The following LMCD1 variants were observed in gnomAD, a reference collection of about 807,000 sequenced individuals.
LMCD1 encodes the protein LIM and cysteine-rich domains protein 1.
Under a neutral mutation model 42.7 loss-of-function variants are expected in LMCD1, and 32 were observed. The observed-to-expected ratio is 0.75, with a 90% CI of 0.57 to 1.01. The LOEUF (loss-of-function observed/expected upper bound fraction) is 1.01. Ranked by LOEUF, LMCD1 falls within the 50% of genes least tolerant of loss-of-function variation. The probability of loss-of-function intolerance (pLI) is 0.00; values close to 1 mark genes in which losing one functional copy is unlikely to be tolerated. For synonymous variants in LMCD1, 178 were observed against 184.9 expected, an observed-to-expected ratio of 0.96 and a Z score of 0.30; for missense variants, 458 against 483.1, an observed-to-expected ratio of 0.95 and a Z score of 0.49.
intron 1 of LMCD1, among the ~76,000 whole-genome samples, chr3:8,513,930 G>T (rs577944745): frequency 6.6e-6 from 1 of 152,110 alleles, no homozygotes; most frequent in Admixed American, 6.5e-5. Context: ...CTGATCCCCA[G>T]ACAAACCCTG....
intron 1 of LMCD1, among the ~76,000 whole-genome samples, chr3:8,529,591 G>A (rs1335171030): frequency 1.3e-5 from 2 of 152,176 alleles, no homozygotes; most frequent in African/African-American, 4.8e-5. Flanking sequence ...GCTAGGGATG[G>A]CCTCACTTAA....
intron 1 of LMCD1, among the ~76,000 whole-genome samples, chr3:8,529,870 G>T (rs1360973008): frequency 6.6e-6 from 1 of 152,180 alleles, no homozygotes; most frequent in African/African-American, 2.4e-5. Context: ...AACGCTCAGT[G>T]CATAATAAGT....
At chr3:8,512,557 G>A (rs1205670176) in intron 1 of LMCD1, among the ~76,000 whole-genome samples, 2 of 152,274 alleles carry the variant, frequency 1.3e-5, no homozygotes, top group South Asian at 2.1e-4. Context: ...GAAAAGCTTT[G>A]TTTCCTCTAA....
At position 8,567,573 on chromosome 3, in the gene LMCD1, C is replaced by T; in HGVS notation, c.1073C>T (p.Thr358Ile). Residue 358 changes from threonine to isoleucine, a missense_variant, in exon 6 of 6, where the codon ACT (threonine) becomes ATT (isoleucine). By Grantham distance (89) the Thr-to-Ile change is moderately conservative. Transcript: ENST00000157600. ...ACCAAGGGTCAGCTTCTGTGCCCAA[C>T]TTGCAGCAAGTCCAAACGCTCCTGA... The part of the protein sequence containing the change: ...IVTKGQLLCP[T>I]CSKSKRS 1 of 1,613,806 alleles carries T rather than the reference C, an allele frequency of 6.2e-7. No individual in the cohort carries two copies. Among genetic ancestry groups the T allele is most frequent in the Non-Finnish European group, 8.5e-7 (1 of 1,179,948 alleles).
chr3:8,531,113 G>A (rs537131551), intron 1 of LMCD1, among the ~76,000 whole-genome samples: 2 of 152,296 alleles, frequency 1.3e-5, no homozygotes, highest in Non-Finnish European at 2.9e-5. Context: ...CTTTCCATAC[G>A]TCTGAATTCT....
Position 8,532,814 on chromosome 3 carries a change from A to G in LMCD1, c.120A>G (p.Pro40=), listed in dbSNP as rs763302882. ...AGGGGACGTGTTCGGGCTTCGAGCC[A>G]CATTCATGGAGGTAACAGATTTTGT... The part of the protein sequence containing the change: ...GCKGTCSGFE[P]HSWRKICKSC... The change falls in exon 2 of 6, where the codon CCA becomes CCG. Residue 40 remains proline, a synonymous_variant. Coordinates refer to ENST00000157600, the MANE Select transcript of LMCD1 (RefSeq NM_014583.4). 17 of 1,613,464 alleles carry G rather than the reference A, an allele frequency of 1.1e-5. No homozygotes were observed. Among genetic ancestry groups the G allele is most frequent in the Non-Finnish European group, 1.4e-5 (16 of 1,179,696 alleles).
At chr3:8,507,046 C>G (rs1001412478) in intron 1 of LMCD1, among the ~76,000 whole-genome samples, 4 of 152,242 alleles carry the variant, frequency 2.6e-5, no homozygotes, top group African/African-American at 7.2e-5. Flanking sequence ...CTCATATCCC[C>G]TACCATTTGA....
chr3:8,560,117 G>A (rs1001052178), intron 4 of LMCD1, among the ~76,000 whole-genome samples: 3 of 152,160 alleles, frequency 2.0e-5, no homozygotes, highest in Admixed American at 6.5e-5. Flanking sequence ...AACCAGTAAC[G>A]GGTTAGGTGC....
rs1423637931 is a variant in LMCD1 at position 8,569,139 on chromosome 3, A to G, written c.*1541A>G. ...CTGCCAAGTTAACAACCAAGTCCTC[A>G]TGGACATTTGAATCCTTCCAAAACT... On this transcript the variant is annotated 3_prime_UTR_variant, in exon 6 of 6. Coordinates refer to ENST00000157600, the MANE Select transcript of LMCD1 (RefSeq NM_014583.4). 1.3e-5 allele frequency: 2 copies of G among 152,212 alleles called. No homozygotes were observed. Among genetic ancestry groups the G allele is most frequent in the African/African-American group, 2.4e-5 (1 of 41,444 alleles). 9.4% of individuals were successfully genotyped at this position (152,212 alleles called of 1,614,324 possible).
intron 2 of LMCD1, among the ~76,000 whole-genome samples, chr3:8,533,090 A>G (rs1179405373): frequency 1.3e-5 from 2 of 152,166 alleles, no homozygotes; most frequent in Admixed American, 1.3e-4. Flanking sequence ...AACCCAGCCC[A>G]GCAAGAATTG....
At chr3:8,507,882 T>C (rs1448849650) in intron 1 of LMCD1, among the ~76,000 whole-genome samples, 1 of 152,246 alleles carries the variant, frequency 6.6e-6, no homozygotes, top group African/African-American at 2.4e-5. Context: ...TGATTATTAC[T>C]GTGACTTTCA....
chr3:8,565,747 C>G (rs1409359338), intron 5 of LMCD1, 100 bp downstream of exon 5: 15 of 1,162,076 alleles, frequency 1.3e-5, no homozygotes, highest in Non-Finnish European at 1.7e-5. Flanking sequence ...ATGATGTGTT[C>G]TACAGATTGG....
At position 8,569,324 on chromosome 3, in the gene LMCD1, C is replaced by T. The variant is rs1373936599; in HGVS notation, c.*1726C>T. On this transcript the variant is annotated 3_prime_UTR_variant, in exon 6 of 6. Coordinates refer to ENST00000157600, the MANE Select transcript of LMCD1 (RefSeq NM_014583.4). Reference sequence around the variant, plus strand: ...AAGACCAACTCTGGCTGTTGAAATTCTATTCATCCTATAAGGTGCTTCTCA... The same window carrying T: ...AAGACCAACTCTGGCTGTTGAAATTTTATTCATCCTATAAGGTGCTTCTCA... The T allele has an allele frequency of 6.6e-6, 1 of 152,196 alleles. No individual in the cohort carries two copies. The allele number at this position is 152,196 out of a possible 1,614,324, so 9.4% of individuals were successfully genotyped here.
intron 1 of LMCD1, among the ~76,000 whole-genome samples, chr3:8,520,027 T>G (rs1370747877): frequency 6.6e-6 from 1 of 152,136 alleles, no homozygotes; most frequent in Non-Finnish European, 1.5e-5. Flanking sequence ...AAGCAAAGCC[T>G]TAAGACTTTT....
chr3:8,562,756 G>C (rs1695061998), intron 4 of LMCD1, among the ~76,000 whole-genome samples: 1 of 152,088 alleles, frequency 6.6e-6, no homozygotes, highest in Admixed American at 6.6e-5. Context: ...TATCTCATCT[G>C]TTTTTTTATA....
At chr3:8,563,167 C>T (rs1219402454) in intron 4 of LMCD1, among the ~76,000 whole-genome samples, 2 of 152,170 alleles carry the variant, frequency 1.3e-5, no homozygotes, top group Non-Finnish European at 2.9e-5. Context: ...GGATGTGGCT[C>T]CTGCTTCCAT....
intron 1 of LMCD1, among the ~76,000 whole-genome samples, chr3:8,531,065 T>C (rs1694402670): frequency 6.6e-6 from 1 of 152,172 alleles, no homozygotes; most frequent in Admixed American, 6.5e-5. Flanking sequence ...GTGAGAAGAT[T>C]TGGTGCTGAA....
rs751600998 is a variant in LMCD1 at position 8,502,010 on chromosome 3, G to T, written c.42+30G>T. ...GTGGAAAGCTGTTTGTATTTACCCA[G>T]ATTCTTACTTTTTCTTGTTCCCCTT... is the stretch of plus-strand genomic sequence containing the variant. On this transcript the variant is annotated intron_variant, in intron 1 of 5. Transcript: ENST00000157600. The T allele has an allele frequency of 2.3e-5, 35 of 1,500,084 alleles. No individual in the cohort carries two copies. The Middle Eastern group carries it at 5.1e-4, about 22-fold the overall frequency. The allele number at this position is 1,500,084 out of a possible 1,614,324, so 92.9% of individuals were successfully genotyped here.
chr3:8,523,010 G>C (rs1694235632), intron 1 of LMCD1, among the ~76,000 whole-genome samples: 1 of 152,114 alleles, frequency 6.6e-6, no homozygotes. Flanking sequence ...AAAAATCATG[G>C]AATCTTTACC....
Sources: gnomAD v4.1 joint callset for allele counts (sites outside exome capture counted in the v4.1 genomes callset) on GRCh38, gnomAD v4.1.1 for gene constraint, MANE v1.5 for transcripts, NCBI Gene and HGNC (gene_info 2026-07-23, HGNC 2026-07-21) for gene names.